The following SI variants were observed in gnomAD, a reference collection of about 807,000 sequenced individuals.
SI encodes the protein sucrase-isomaltase.
SI carries 235 observed loss-of-function variants against 253.3 expected under a neutral mutation model. The observed-to-expected ratio is 0.93, with a 90% confidence interval of 0.83 to 1.03. SI has a LOEUF of 1.03. Among genes scored for constraint, SI ranks in the 50% least tolerant of loss-of-function variants. The pLI, the probability that SI is intolerant of heterozygous loss-of-function variation, is 0.00. For missense variants in SI, 2,442 were observed against 2,211.1 expected (o/e 1.10, Z -2.09); for synonymous variants, 819 against 712.0 (o/e 1.15, Z -2.39).
At chr3:165,045,170 T>G (rs1713040150) in intron 16 of SI, among the ~76,000 whole-genome samples, 1 of 152,246 alleles carries the variant, frequency 6.6e-6, no homozygotes, top group African/African-American at 2.4e-5. Flanking sequence ...TAAAATGTAT[T>G]GTTTTCCATA....
Position 165,038,545 on chromosome 3 carries a change from T to TA in SI, c.2302-522dup, listed in dbSNP as rs1358023798. ...CAACATGGTGAAACCCCATCTCTAC[T>TA]AAAAAAAAATTCAAAAAAAAAAAAT... On this transcript the variant is annotated intron_variant, in intron 20 of 47. Transcript: ENST00000264382. Among the ~76,000 whole-genome samples, 332 of 96,054 alleles carry TA rather than the reference T, an allele frequency of 3.5e-3. 2 individuals carry two copies. Among genetic ancestry groups the TA allele is most frequent in the African/African-American group, 0.011 (319 of 29,974 alleles). The allele number at this position is 96,054 out of a possible 152,430, so 63.0% of individuals were successfully genotyped here.
At position 165,065,464 on chromosome 3, in the gene SI, AATATATATATATAT is replaced by A. The variant is rs66946322; in HGVS notation, c.636-46_636-33del. 87 of 209,720 alleles carry A rather than the reference AATATATATATATAT, an allele frequency of 4.1e-4. 3 individuals carry two copies. The highest frequency in any genetic ancestry group is 2.6e-3 in the East Asian group (12 of 4,674). The allele number at this position is 209,720 out of a possible 1,614,324, so 13.0% of individuals were successfully genotyped here. A position where few individuals can be genotyped will look rare whatever the true frequency, so the allele number is the denominator to read the frequency against. On this transcript the variant is annotated intron_variant, in intron 6 of 47. Coordinates refer to ENST00000264382, the MANE Select transcript of SI (RefSeq NM_001041.4). The stretch of plus-strand genomic sequence containing the variant: ...CATAAAAGAAATAAAGAAATAATCT[AATATATATATATAT>A]ATATATATATATATATGATATTCTA...
intron 34 of SI, among the ~76,000 whole-genome samples, chr3:165,011,693 T>G (rs1718774339): frequency 6.7e-6 from 1 of 150,324 alleles, no homozygotes; most frequent in Non-Finnish European, 1.5e-5. Flanking sequence ...TTTATTATTG[T>G]TATTATTTAT....
At chr3:164,992,427 TAAAAC>T in intron 41 of SI, 30 bp from the exon 42 acceptor site, 1 of 1,395,380 alleles carries the variant, frequency 7.2e-7, no homozygotes, top group Non-Finnish European at 1.0e-6. Flanking sequence ...ATAATTAAAT[TAAAAC>T]AAATAACTTT....
intron 16 of SI, among the ~76,000 whole-genome samples, chr3:165,044,613 T>G (rs1451550605): frequency 6.6e-6 from 1 of 152,026 alleles, no homozygotes; most frequent in Admixed American, 6.6e-5. Flanking sequence ...TTGTTCTTAA[T>G]TTTTACAGAT....
At chr3:165,085,838 G>A in the SI span, among the ~76,000 whole-genome samples, 1 of 152,104 alleles carries the variant, frequency 6.6e-6, no homozygotes, top group East Asian at 1.9e-4. Context: ...CAAGACAAAT[G>A]TTACAATACT....
intron 47 of SI, 80 bp from the exon 48 acceptor site, chr3:164,979,510 T>G (rs1354111138): frequency 8.6e-6 from 7 of 812,822 alleles, no homozygotes; most frequent in Non-Finnish European, 1.5e-5. Flanking sequence ...TCAAAAAAGT[T>G]TTCTAATAAA....
intron 32 of SI, 128 bp downstream of exon 32, chr3:165,015,824 T>A: frequency 1.2e-6 from 1 of 826,408 alleles, no homozygotes; most frequent in Non-Finnish European, 2.0e-6. Flanking sequence ...AGGAAGAGAG[T>A]TTTAGATTTG....
At position 165,018,031 on chromosome 3, in the gene SI, G is replaced by A. The variant is rs774437551; in HGVS notation, c.3459C>T (p.Tyr1153=). The change falls in exon 29 of 48, where the codon TAC becomes TAT. Residue 1153 remains tyrosine, a synonymous_variant. Coordinates refer to ENST00000264382, the MANE Select transcript of SI (RefSeq NM_001041.4). ...KLNSYGFHPY[Y]MALEEEGNAH... is the part of the protein sequence containing the mutation. ...CATTGCCCTCCTCTTCCAGAGCCAT[G>A]TAATAGGGATGAAATCCATAGGAAT... The A allele has an allele frequency of 4.3e-6, 7 of 1,610,548 alleles. No homozygotes were observed. In the East Asian group the frequency reaches 8.9e-5, roughly 21 times the overall value.
intron 28 of SI, 120 bp from the exon 29 acceptor site, chr3:165,018,186 C>T (rs1367935363): frequency 1.5e-6 from 1 of 677,932 alleles, no homozygotes; most frequent in African/African-American, 1.8e-5. Context: ...CGTTTCCCAA[C>T]CTTAAACTAT....
In SI at chr3:164,996,755, G is replaced by T. The variant is rs1364561476; in HGVS notation, c.4558C>A (p.Leu1520Met). 5 of 1,061,894 alleles carry T rather than the reference G, an allele frequency of 4.7e-6. No homozygotes were observed. Among genetic ancestry groups the T allele is most frequent in the Non-Finnish European group, 5.7e-6 (4 of 701,892 alleles). 65.8% of individuals were successfully genotyped at this position (1,061,894 alleles called of 1,614,324 possible). Residue 1520 changes from leucine to methionine, a missense_variant, in exon 39 of 48, where the codon CTG becomes ATG. Transcript: ENST00000264382. ...KSIIGMMEFS[L>M]FGMSYTGADI... ...CTACTTACATATGACATTCCAAACA[G>T]ACTAAATTCCATCATACCTGAAAAA... is the stretch of plus-strand genomic sequence containing the variant.
chr3:165,080,172 T>C (rs1187958017), upstream of SI, among the ~76,000 whole-genome samples: 1 of 152,014 alleles, frequency 6.6e-6, no homozygotes, highest in East Asian at 1.9e-4. Flanking sequence ...TGATAAATCT[T>C]ATATTTCAGA....
intron 45 of SI, among the ~76,000 whole-genome samples, chr3:164,983,509 T>TA (rs1717295037): frequency 6.6e-6 from 1 of 152,198 alleles, no homozygotes; most frequent in East Asian, 1.9e-4. Context: ...ATTCAGTAGT[T>TA]AGAGATTGTT....
chr3:165,067,421 A>G lies in SI; in HGVS notation c.554T>C (p.Val185Ala). The G allele has an allele frequency of 1.2e-6, 2 of 1,612,122 alleles. No individual in the cohort carries two copies. Among genetic ancestry groups the G allele is most frequent in the East Asian group, 2.2e-5 (1 of 44,726 alleles). The change falls in exon 6 of 48, where the codon GTT becomes GCT. Residue 185 changes from valine to alanine, a missense_variant. Physicochemically the swap from Val to Ala is moderately conservative, Grantham distance 64. Coordinates refer to ENST00000264382, the MANE Select transcript of SI (RefSeq NM_001041.4). The stretch of plus-strand genomic sequence containing the variant: ...CTTCACATCATACAACGTATCAGAA[A>G]CTGTGGGTCCAGTAAACTCTTTTAC... ...QYVKEFTGPT[V>A]SDTLYDVKVA...
chr3:165,039,864 G>A (rs199691917), intron 19 of SI, 23 bp downstream of exon 19: 7 of 1,531,026 alleles, frequency 4.6e-6, no homozygotes, highest in Admixed American at 3.3e-5. Flanking sequence ...AAACAATAAG[G>A]TTATTAAACC....
intron 3 of SI, among the ~76,000 whole-genome samples, chr3:165,071,906 T>A (rs1206531526): frequency 6.6e-6 from 1 of 152,142 alleles, no homozygotes; most frequent in Non-Finnish European, 1.5e-5. Context: ...AGCTGCCCAT[T>A]CTGCGGAATT....
rs1717368389 is a variant in SI at position 164,984,999 on chromosome 3, T to C, written c.5198-1948A>G. Among the ~76,000 whole-genome samples the C allele has an allele frequency of 2.0e-5, 3 of 152,172 alleles. No homozygotes were observed. In the South Asian group the frequency reaches 6.2e-4, roughly 31 times the overall value. ...TACTAAATTATACCAAATATACTGA[T>C]ATTGTGAAACATAACAAAATAAGTA... On this transcript the variant is annotated intron_variant, in intron 45 of 47. Transcript: ENST00000264382.
chr3:165,018,732 C>G lies in SI; in HGVS notation c.3424-666G>C, dbSNP rs1300966952. ...TACTAGTGGAAGTAATTTTAGATAT[C>G]AAGAATCAAAAGTATATTAGTCTAA... is the stretch of plus-strand genomic sequence containing the variant. On this transcript the variant is annotated intron_variant, in intron 28 of 47. Coordinates refer to ENST00000264382, the MANE Select transcript of SI (RefSeq NM_001041.4). 4.0e-5 allele frequency among the ~76,000 whole-genome samples: 6 copies of G among 151,036 alleles called. 1 individual carries two copies. The highest frequency in any genetic ancestry group is 7.3e-5 in the African/African-American group (3 of 41,236).
At chr3:165,083,615 T>C in the SI span, among the ~76,000 whole-genome samples, 1 of 152,026 alleles carries the variant, frequency 6.6e-6, no homozygotes, top group Non-Finnish European at 1.5e-5. Context: ...TGTTTCATAC[T>C]CATTTAATAA....
Sources: allele counts gnomAD v4.1 joint callset (sites outside exome capture counted in the v4.1 genomes callset), GRCh38; gene constraint gnomAD v4.1.1; transcripts MANE v1.5; gene names NCBI Gene and HGNC (gene_info 2026-07-23, HGNC 2026-07-21).